The following SIL1 variants were observed in gnomAD, a reference collection of about 807,000 sequenced individuals.
SIL1 encodes SIL1 nucleotide exchange factor.
Under a neutral mutation model 49.1 loss-of-function variants are expected in SIL1, and 40 were observed. That is an observed-to-expected ratio of 0.81 (90% CI 0.63 to 1.06). SIL1 has a LOEUF of 1.06. SIL1 is among the 50% of genes least tolerant of loss of function. The pLI is 0.00. For synonymous variants in SIL1, 253 were observed against 250.8 expected (o/e 1.01, Z -0.08); for missense variants, 500 against 572.6 (o/e 0.87, Z 1.29).
At chr5:138,953,693 C>G (rs1025924726) in intron 7 of SIL1, among the ~76,000 whole-genome samples, 6 of 152,038 alleles carry the variant, frequency 3.9e-5, no homozygotes, top group Non-Finnish European at 5.9e-5. Flanking sequence ...CCCTGCCCCC[C>G]ACGACTTGAG....
chr5:139,176,521 T>C lies in SIL1; in HGVS notation c.-11+21748A>G, dbSNP rs186307152. ...CTCAGGCTGCTATAAAATAAAAATA[T>C]TTTAGACTGGATAATTTATATATAA... On this transcript the variant is annotated intron_variant, in intron 1 of 9. Coordinates refer to ENST00000394817, the MANE Select transcript of SIL1 (RefSeq NM_022464.5). 3.3e-3 allele frequency among the ~76,000 whole-genome samples: 496 copies of C among 152,320 alleles called. 2 individuals carry two copies. Among genetic ancestry groups the C allele is most frequent in the African/African-American group, 0.011 (467 of 41,576 alleles).
intron 3 of SIL1, among the ~76,000 whole-genome samples, chr5:139,109,494 C>T (rs1770795078): frequency 6.6e-6 from 1 of 152,060 alleles, no homozygotes; most frequent in Non-Finnish European, 1.5e-5. Context: ...CCCATGTAGA[C>T]GTCAAATAAA....
chr5:139,052,782 G>C (rs1320566721), intron 3 of SIL1, among the ~76,000 whole-genome samples: 1 of 152,128 alleles, frequency 6.6e-6, no homozygotes, highest in Non-Finnish European at 1.5e-5. Flanking sequence ...TCCCAGACTA[G>C]GAATAAAGGG....
chr5:139,015,822 T>C (rs888452433), intron 7 of SIL1, among the ~76,000 whole-genome samples: 2 of 152,258 alleles, frequency 1.3e-5, no homozygotes, highest in African/African-American at 4.8e-5. Flanking sequence ...GAATGGGATT[T>C]CCATGTTTGC....
chr5:138,969,163 G>A (rs2150390822), intron 7 of SIL1, among the ~76,000 whole-genome samples: 1 of 152,260 alleles, frequency 6.6e-6, no homozygotes. Flanking sequence ...AAAAAGATTT[G>A]GGAAGCAGGG....
intron 7 of SIL1, among the ~76,000 whole-genome samples, chr5:138,978,082 C>T (rs1010629480): frequency 6.6e-6 from 1 of 152,218 alleles, no homozygotes; most frequent in Non-Finnish European, 1.5e-5. Context: ...GTAAAATTCA[C>T]ATACCACACA....
chr5:139,154,442 T>G (rs1483104199), intron 1 of SIL1, among the ~76,000 whole-genome samples: 1 of 152,220 alleles, frequency 6.6e-6, no homozygotes, highest in Non-Finnish European at 1.5e-5. Flanking sequence ...AAGGCCACTC[T>G]ATCCAGCCAT....
intron 1 of SIL1, among the ~76,000 whole-genome samples, chr5:139,154,524 G>A (rs147960255): frequency 2.0e-5 from 3 of 152,340 alleles, no homozygotes; most frequent in Admixed American, 6.5e-5. Context: ...TGCTGTGCAC[G>A]CTCTGTACAT....
At chr5:138,981,158 A>G (rs1767509418) in intron 7 of SIL1, among the ~76,000 whole-genome samples, 1 of 151,172 alleles carries the variant, frequency 6.6e-6, no homozygotes, top group African/African-American at 2.4e-5. Context: ...GGTTGCAGCA[A>G]GCCAAGATCA....
chr5:138,958,335 G>A (rs1766945099), intron 7 of SIL1, among the ~76,000 whole-genome samples: 1 of 152,206 alleles, frequency 6.6e-6, no homozygotes, highest in African/African-American at 2.4e-5. Context: ...GTATCACATA[G>A]GAGGGCAAGT....
chr5:139,056,376 G>A (rs531937185), intron 3 of SIL1, among the ~76,000 whole-genome samples: 116 of 150,958 alleles, frequency 7.7e-4, no homozygotes, highest in African/African-American at 2.8e-3. Context: ...TCTGAGAAGT[G>A]AGGAGACCCT....
intron 1 of SIL1, among the ~76,000 whole-genome samples, chr5:139,171,770 G>A (rs537767967): frequency 1.3e-5 from 2 of 150,276 alleles, no homozygotes; most frequent in South Asian, 2.2e-4. Context: ...AACTATCCCC[G>A]AAAAGACCTA....
intron 4 of SIL1, among the ~76,000 whole-genome samples, chr5:139,046,027 G>T (rs1420406701): frequency 6.6e-6 from 1 of 152,138 alleles, no homozygotes; most frequent in Non-Finnish European, 1.5e-5. Flanking sequence ...TCACTCTCCT[G>T]CCTAAAATCT....
chr5:138,988,086 G>A (rs534921585), intron 7 of SIL1, among the ~76,000 whole-genome samples: 32 of 152,316 alleles, frequency 2.1e-4, no homozygotes, highest in Middle Eastern at 3.4e-3. Flanking sequence ...GCCCACCTCA[G>A]CCTCCCAAAG....
At chr5:139,187,909 A>C (rs1752103749) in intron 1 of SIL1, 1 of 152,264 alleles carries the variant, frequency 6.6e-6, no homozygotes, top group Non-Finnish European at 1.5e-5. Context: ...GTGAGTTCTC[A>C]CAGGATCTGG....
At chr5:139,016,151 C>T (rs757201403) in intron 7 of SIL1, among the ~76,000 whole-genome samples, 3 of 151,962 alleles carry the variant, frequency 2.0e-5, no homozygotes, top group Non-Finnish European at 4.4e-5. Flanking sequence ...TAGTAGACAA[C>T]AATAGTAGAA....
intron 7 of SIL1, among the ~76,000 whole-genome samples, chr5:138,999,816 T>G (rs879515551): frequency 2.0e-5 from 3 of 152,192 alleles, no homozygotes; most frequent in Non-Finnish European, 4.4e-5. Flanking sequence ...GAAGATTGCT[T>G]GAGCCCAGCA....
intron 1 of SIL1, among the ~76,000 whole-genome samples, chr5:139,130,647 A>G (rs917133651): frequency 6.6e-6 from 1 of 152,234 alleles, no homozygotes; most frequent in Non-Finnish European, 1.5e-5. Flanking sequence ...CAAAGAATTG[A>G]AAACAGGGAC....
At position 139,162,505 on chromosome 5, in the gene SIL1, G is replaced by A. The variant is rs559866848; in HGVS notation, c.-10-34652C>T. ...AGGAAGAAAGAGAGCCACATAAAACGAAGGAAGGGGAAAATGGCCTCTCCA... is the reference window on the plus strand; with the variant it reads ...AGGAAGAAAGAGAGCCACATAAAACAAAGGAAGGGGAAAATGGCCTCTCCA... On this transcript the variant is annotated intron_variant, in intron 1 of 9. Transcript: ENST00000394817. Among the ~76,000 whole-genome samples, 44 of 152,300 alleles carry A rather than the reference G, an allele frequency of 2.9e-4. No individual in the cohort carries two copies. In the South Asian group the frequency reaches 7.0e-3, roughly 24 times the overall value.
Sources: gnomAD v4.1 joint callset for allele counts (sites outside exome capture counted in the v4.1 genomes callset) on GRCh38, gnomAD v4.1.1 for gene constraint, MANE v1.5 for transcripts, NCBI Gene and HGNC (gene_info 2026-07-23, HGNC 2026-07-21) for gene names.